The following RBFOX1 variants were observed in gnomAD, a reference collection of about 807,000 sequenced individuals.
The protein encoded by RBFOX1 is RNA binding fox-1 homolog 1.
In RBFOX1, 8 loss-of-function variants were observed where a neutral mutation model predicts 57.7. That is an observed-to-expected ratio of 0.14 (90% CI 0.08 to 0.25). RBFOX1 has a LOEUF of 0.25. Ranked by LOEUF, RBFOX1 falls within the 10% of genes least tolerant of loss-of-function variation. The pLI is 1.00. For synonymous variants in RBFOX1, 326 were observed against 222.4 expected (o/e 1.47, Z -4.15); for missense variants, 611 against 548.5 (o/e 1.11, Z -1.14).
intron 3 of RBFOX1, among the ~76,000 whole-genome samples, chr16:6,771,807 G>A (rs951186571): frequency 1.3e-5 from 2 of 152,142 alleles, no homozygotes; most frequent in African/African-American, 4.8e-5. Flanking sequence ...GCCTAAAGTG[G>A]CAATTGTACC....
At chr16:7,691,662 C>A (rs1441729826) in intron 14 of RBFOX1, among the ~76,000 whole-genome samples, 1 of 152,156 alleles carries the variant, frequency 6.6e-6, no homozygotes, top group Non-Finnish European at 1.5e-5. Context: ...CCTATTCGTT[C>A]AGTCACAATT....
chr16:7,637,041 A>G (rs1016116720), intron 11 of RBFOX1, among the ~76,000 whole-genome samples: 2 of 152,198 alleles, frequency 1.3e-5, no homozygotes, highest in African/African-American at 4.8e-5. Flanking sequence ...AGTCCGTAGC[A>G]AGCCCCTTGA....
At chr16:7,342,387 C>G (rs2096915201) in intron 4 of RBFOX1, among the ~76,000 whole-genome samples, 1 of 152,158 alleles carries the variant, frequency 6.6e-6, no homozygotes, top group South Asian at 2.1e-4. Flanking sequence ...GGCTTCAGCT[C>G]TCTGAGCACC....
intron 1 of RBFOX1, among the ~76,000 whole-genome samples, chr16:5,391,820 G>GTATATA (rs1483167972): frequency 2.0e-5 from 3 of 150,864 alleles, no homozygotes; most frequent in African/African-American, 7.3e-5. Context: ...TGGTGTGTGT[G>GTATATA]TATATATATA....
intron 11 of RBFOX1, among the ~76,000 whole-genome samples, chr16:7,638,689 G>A (rs1023508448): frequency 2.0e-5 from 3 of 152,162 alleles, no homozygotes; most frequent in African/African-American, 4.8e-5. Context: ...CTCAACTCTT[G>A]TTATAGCTTG....
intron 1 of RBFOX1, among the ~76,000 whole-genome samples, chr16:5,455,604 A>G (rs1278213181): frequency 1.3e-5 from 2 of 152,146 alleles, no homozygotes; most frequent in Non-Finnish European, 1.5e-5. Context: ...GGTTTCTATG[A>G]TATTTTACTC....
intron 2 of RBFOX1, among the ~76,000 whole-genome samples, chr16:6,334,145 C>A (rs112115926): frequency 6.6e-6 from 1 of 151,944 alleles, no homozygotes; most frequent in African/African-American, 2.4e-5. Flanking sequence ...TGAGAGATGC[C>A]GGCTAGTGGT....
intron 2 of RBFOX1, among the ~76,000 whole-genome samples, chr16:5,504,311 G>T (rs1231399990): frequency 1.3e-5 from 2 of 152,222 alleles, no homozygotes; most frequent in African/African-American, 4.8e-5. Context: ...TTGAGGCAGG[G>T]CCTGCCAGGA....
intron 3 of RBFOX1, among the ~76,000 whole-genome samples, chr16:5,839,965 T>C (rs1022795022): frequency 1.3e-5 from 2 of 152,226 alleles, no homozygotes. Context: ...GAATGATTAC[T>C]GGACAAACAT....
chr16:5,566,549 A>G (rs1008459186), intron 2 of RBFOX1, among the ~76,000 whole-genome samples: 10 of 151,828 alleles, frequency 6.6e-5, no homozygotes, highest in Non-Finnish European at 1.5e-4. Flanking sequence ...TCCATCTCCC[A>G]GAGATTTCAG....
At chr16:7,671,473 G>A in intron 13 of RBFOX1, 1 of 1,292,476 alleles carries the variant, frequency 7.7e-7, no homozygotes, top group Non-Finnish European at 1.1e-6. Context: ...TAAATGAATT[G>A]CTCTGGAATT....
chr16:6,476,340 A>T (rs1347267907), intron 2 of RBFOX1, among the ~76,000 whole-genome samples: 1 of 152,186 alleles, frequency 6.6e-6, no homozygotes, highest in African/African-American at 2.4e-5. Context: ...ACTTAAAGCA[A>T]GACCTATAGA....
chr16:7,459,168 A>T (rs2059095588), intron 4 of RBFOX1, among the ~76,000 whole-genome samples: 1 of 152,056 alleles, frequency 6.6e-6, no homozygotes, highest in Non-Finnish European at 1.5e-5. Flanking sequence ...TGGACTGAAT[A>T]GGTGGGTGGG....
At chr16:7,062,642 G>T (rs1340889386) in intron 4 of RBFOX1, among the ~76,000 whole-genome samples, 1 of 152,156 alleles carries the variant, frequency 6.6e-6, no homozygotes, top group African/African-American at 2.4e-5. Flanking sequence ...TATGGCCAAG[G>T]CAGGACAGTT....
intron 2 of RBFOX1, among the ~76,000 whole-genome samples, chr16:6,528,057 C>T (rs549344465): frequency 6.6e-6 from 1 of 152,126 alleles, no homozygotes; most frequent in African/African-American, 2.4e-5. Flanking sequence ...ATCCTTTCCA[C>T]CCTCAAAGAT....
intron 10 of RBFOX1, among the ~76,000 whole-genome samples, chr16:7,616,967 T>G (rs941470075): frequency 5.3e-5 from 8 of 150,416 alleles, no homozygotes; most frequent in Non-Finnish European, 1.0e-4. Flanking sequence ...CCTGCTAGAA[T>G]CCACCCTTCC....
chr16:7,068,098 G>A (rs574572875), intron 4 of RBFOX1, among the ~76,000 whole-genome samples: 2 of 151,820 alleles, frequency 1.3e-5, no homozygotes, highest in East Asian at 3.9e-4. Context: ...GCTTTTAAGG[G>A]TTCATGTGAT....
intron 1 of RBFOX1, among the ~76,000 whole-genome samples, chr16:6,086,958 A>G (rs1041446801): frequency 6.6e-6 from 1 of 152,218 alleles, no homozygotes; most frequent in African/African-American, 2.4e-5. Flanking sequence ...AGAGCTGGCA[A>G]CTGAGTCACA....
At chr16:5,983,727 G>T (rs1298346833) in intron 4 of RBFOX1, among the ~76,000 whole-genome samples, 3 of 152,092 alleles carry the variant, frequency 2.0e-5, no homozygotes, top group Non-Finnish European at 4.4e-5. Context: ...AATTAGATTG[G>T]ATTTGATTGT....
Sources: allele counts gnomAD v4.1 joint callset (sites outside exome capture counted in the v4.1 genomes callset), GRCh38; gene constraint gnomAD v4.1.1; transcripts MANE v1.5; gene names NCBI Gene and HGNC (gene_info 2026-07-23, HGNC 2026-07-21).